STRN3: variants seen among roughly 807,000 people sequenced by gnomAD.
STRN3 encodes the protein striatin-3.
STRN3 carries 29 observed loss-of-function variants against 95.6 expected under a neutral mutation model. The observed-to-expected ratio is 0.30, with a 90% CI of 0.23 to 0.41. STRN3 has a LOEUF of 0.41. Among genes scored for constraint, STRN3 ranks in the 10% least tolerant of loss-of-function variants. The pLI is 1.00. For missense variants in STRN3, 890 were observed against 972.1 expected (o/e 0.92, Z 1.12); for synonymous variants, 331 against 357.6 (o/e 0.93, Z 0.84).
At chr14:30,927,975 T>C (rs907272968) in intron 8 of STRN3, among the ~76,000 whole-genome samples, 3 of 150,680 alleles carry the variant, frequency 2.0e-5, no homozygotes, top group African/African-American at 7.3e-5. Flanking sequence ...AAAATTCTAA[T>C]GTCATTTTGT....
chr14:30,973,979 T>C (rs1880964137), intron 1 of STRN3, among the ~76,000 whole-genome samples: 1 of 152,176 alleles, frequency 6.6e-6, no homozygotes, highest in East Asian at 1.9e-4. Context: ...ATAAAAGCCA[T>C]ATATGAAAAG....
At chr14:30,932,596 C>T (rs1878598141) in intron 7 of STRN3, among the ~76,000 whole-genome samples, 1 of 152,058 alleles carries the variant, frequency 6.6e-6, no homozygotes, top group South Asian at 2.1e-4. Flanking sequence ...CGATTACTTC[C>T]ACTTACACAG....
At position 30,906,989 on chromosome 14, in the gene STRN3, A is replaced by C. The variant is rs767095575; in HGVS notation, c.1776T>G (p.Leu592=). The stretch of plus-strand genomic sequence containing the variant: ...ATTGATTTTTTATGCCACTATAAGC[A>C]AGACCCCAAACTGCATCTGTATGAC... The part of the protein sequence containing the change: ...LVGHTDAVWG[L]AYSGIKNQLL... The change falls in exon 14 of 18, where the codon CTT becomes CTG. Residue 592 remains leucine (L), a synonymous_variant. Transcript: ENST00000357479. The C allele has an allele frequency of 1.2e-6, 2 of 1,613,970 alleles. No individual in the cohort carries two copies. The highest frequency in any genetic ancestry group is 4.5e-5 in the East Asian group (2 of 44,828).
chr14:30,928,023 T>C (rs1283877472), intron 8 of STRN3, among the ~76,000 whole-genome samples: 6 of 152,076 alleles, frequency 3.9e-5, no homozygotes, highest in South Asian at 2.1e-4. Flanking sequence ...TGTACTTTTA[T>C]ACTCAGCATG....
intron 1 of STRN3, among the ~76,000 whole-genome samples, chr14:31,020,795 A>T (rs765813399): frequency 2.8e-4 from 43 of 151,952 alleles, no homozygotes; most frequent in Non-Finnish European, 1.2e-4. Flanking sequence ...AGTCCCACCT[A>T]CTCGGGAGGC....
At chr14:30,934,122 G>A (rs566023956) in intron 7 of STRN3, among the ~76,000 whole-genome samples, 6 of 152,116 alleles carry the variant, frequency 3.9e-5, no homozygotes. Flanking sequence ...TCAAGAGATC[G>A]AGACCATCCT....
intron 2 of STRN3, among the ~76,000 whole-genome samples, 183 bp downstream of exon 2, chr14:30,955,956 C>T (rs1239562332): frequency 1.3e-5 from 2 of 151,948 alleles, no homozygotes; most frequent in Non-Finnish European, 2.9e-5. Context: ...AAACACATTT[C>T]AATTGAATTA....
rs35798632 is a variant in STRN3, at chr14:30,929,335, GA to G, written c.989-25del. ...ATCTACATGCAGCATATTATTAAAA[GA>G]AAAAAAATCAGCAGTTGGCAATGCA... On this transcript the variant is annotated intron_variant, in intron 7 of 17. Coordinates refer to ENST00000357479, the MANE Select transcript of STRN3 (RefSeq NM_001083893.2). 10 of 1,595,084 alleles carry G rather than the reference GA, an allele frequency of 6.3e-6. No individual in the cohort carries two copies. The Admixed American group carries it at 1.4e-4, about 22-fold the overall frequency.
At chr14:30,965,457 C>G (rs539373601) in intron 1 of STRN3, among the ~76,000 whole-genome samples, 1 of 152,012 alleles carries the variant, frequency 6.6e-6, no homozygotes, top group Non-Finnish European at 1.5e-5. Context: ...GAGACTAAGG[C>G]AGAAACGTCA....
At chr14:30,922,467 C>T (rs542540393) in intron 8 of STRN3, among the ~76,000 whole-genome samples, 260 of 152,272 alleles carry the variant, frequency 1.7e-3, no homozygotes, top group Non-Finnish European at 2.6e-3. Flanking sequence ...CTATAGACTA[C>T]TGTTACATTT....
At chr14:30,946,971 C>T in intron 5 of STRN3, 119 bp downstream of exon 5, 1 of 678,146 alleles carries the variant, frequency 1.5e-6, no homozygotes, top group Non-Finnish European at 2.2e-6. Flanking sequence ...AAGAGCAAGA[C>T]TCCGTGTCAA....
chr14:30,992,618 T>C (rs1222643649), intron 1 of STRN3, among the ~76,000 whole-genome samples: 1 of 136,962 alleles, frequency 7.3e-6, no homozygotes, highest in Non-Finnish European at 1.6e-5. Flanking sequence ...GCTAACGAAA[T>C]GTGAAATACC....
chr14:30,996,831 A>G (rs1719673275), intron 1 of STRN3, among the ~76,000 whole-genome samples: 2 of 141,876 alleles, frequency 1.4e-5, no homozygotes, highest in South Asian at 4.3e-4. Context: ...GTGCCACTGC[A>G]CTCAGGGCTG....
Position 30,984,641 on chromosome 14 carries a change from G to A in STRN3, c.283-28399C>T, listed in dbSNP as rs567319804. Reference sequence around the variant, plus strand: ...AAAAATACAAAAATTAGCTGGGCGTGGTGGCAGGCACCTGTAGTCCCAGCT... The same window carrying A: ...AAAAATACAAAAATTAGCTGGGCGTAGTGGCAGGCACCTGTAGTCCCAGCT... On this transcript the variant is annotated intron_variant, in intron 1 of 17. Coordinates refer to ENST00000357479, the MANE Select transcript of STRN3 (RefSeq NM_001083893.2). Among the ~76,000 whole-genome samples, 265 of 152,170 alleles carry A rather than the reference G, an allele frequency of 1.7e-3. 1 individual carries two copies. Among genetic ancestry groups the A allele is most frequent in the Non-Finnish European group, 3.1e-3 (209 of 68,004 alleles).
intron 1 of STRN3, among the ~76,000 whole-genome samples, chr14:31,012,229 T>C (rs1328864707): frequency 1.3e-5 from 2 of 152,230 alleles, no homozygotes; most frequent in African/African-American, 2.4e-5. Flanking sequence ...ACCCACTTCA[T>C]CCTATTATCT....
intron 1 of STRN3, among the ~76,000 whole-genome samples, chr14:30,984,086 A>G (rs1049774865): frequency 2.7e-5 from 4 of 150,684 alleles, no homozygotes; most frequent in Admixed American, 2.7e-4. Context: ...ATATTGCAAG[A>G]TATCTTGGAT....
At chr14:30,936,391 G>A in intron 6 of STRN3, 104 bp downstream of exon 6, 1 of 1,290,070 alleles carries the variant, frequency 7.8e-7, no homozygotes, top group South Asian at 1.6e-5. Context: ...AATATGTAAA[G>A]TAAAGATGAT....
chr14:31,016,729 G>C lies in STRN3; in HGVS notation c.282+9175C>G, dbSNP rs563146143. On this transcript the variant is annotated intron_variant, in intron 1 of 17. Coordinates refer to ENST00000357479, the MANE Select transcript of STRN3 (RefSeq NM_001083893.2). ...CTGGCTAACTTTTATATTTTTAGTA[G>C]AAACGGCGTTTCACCATATTGGCCA... Among the ~76,000 whole-genome samples the C allele has an allele frequency of 3.3e-5, 5 of 152,156 alleles. No individual in the cohort carries two copies. In the South Asian group the frequency reaches 8.3e-4, roughly 25 times the overall value.
At chr14:30,925,337 T>C (rs1466484672) in intron 8 of STRN3, among the ~76,000 whole-genome samples, 1 of 152,116 alleles carries the variant, frequency 6.6e-6, no homozygotes, top group Non-Finnish European at 1.5e-5. Context: ...AAGTCAAATC[T>C]TGAATGGGTC....
Sources: gnomAD v4.1 joint callset for allele counts (sites outside exome capture counted in the v4.1 genomes callset) on GRCh38, gnomAD v4.1.1 for gene constraint, MANE v1.5 for transcripts, NCBI Gene and HGNC (gene_info 2026-07-23, HGNC 2026-07-21) for gene names.